Variants in ZC3H3 observed in about 807,000 individuals in gnomAD.
The protein encoded by ZC3H3 is zinc finger CCCH-type containing 3, also known as zinc finger CCCH domain-containing protein 3.
Under a neutral mutation model 77.3 loss-of-function variants are expected in ZC3H3, and 36 were observed. That is an observed-to-expected ratio of 0.47 (90% CI 0.36 to 0.61). ZC3H3 has a LOEUF of 0.61. Among genes scored for constraint, ZC3H3 ranks in the 20% least tolerant of loss-of-function variants. The pLI, the probability that ZC3H3 is intolerant of heterozygous loss-of-function variation, is 0.00. For synonymous variants in ZC3H3, 626 were observed against 555.2 expected (o/e 1.13, Z -1.79); for missense variants, 1,331 against 1,312.2 (o/e 1.01, Z -0.22).
At chr8:143,513,745 G>C (rs1389312819) in intron 3 of ZC3H3, among the ~76,000 whole-genome samples, 1 of 152,230 alleles carries the variant, frequency 6.6e-6, no homozygotes, top group African/African-American at 2.4e-5. Context: ...CTGTTCCTGG[G>C]ACAGGAGGCT....
At chr8:143,488,547 C>T (rs1209978032) in intron 4 of ZC3H3, among the ~76,000 whole-genome samples, 1 of 149,214 alleles carries the variant, frequency 6.7e-6, no homozygotes, top group East Asian at 1.9e-4. Flanking sequence ...ACCCGCTACA[C>T]GGCCCCATCA....
At chr8:143,482,233 G>A (rs1185330830) in intron 4 of ZC3H3, among the ~76,000 whole-genome samples, 3 of 152,234 alleles carry the variant, frequency 2.0e-5, no homozygotes, top group African/African-American at 7.2e-5. Context: ...TGCACGTGCT[G>A]TCCCTCTGTC....
At chr8:143,506,274 G>A (rs1025885152) in intron 4 of ZC3H3, among the ~76,000 whole-genome samples, 1 of 152,244 alleles carries the variant, frequency 6.6e-6, no homozygotes, top group African/African-American at 2.4e-5. Flanking sequence ...TGGGAGAGGT[G>A]GACCCTCGAC....
At chr8:143,459,694 A>C (rs1820207351) in intron 9 of ZC3H3, among the ~76,000 whole-genome samples, 1 of 152,192 alleles carries the variant, frequency 6.6e-6, no homozygotes, top group South Asian at 2.1e-4. Context: ...CCTTAATAGA[A>C]TAAAGGAAAA....
chr8:143,465,879 A>C, intron 8 of ZC3H3, 31 bp from the exon 9 acceptor site: 1 of 1,599,782 alleles, frequency 6.3e-7, no homozygotes, highest in Non-Finnish European at 8.5e-7. Context: ...GAGGGCCAGC[A>C]GGCAGCCACC....
chr8:143,513,622 C>T (rs973287240), intron 3 of ZC3H3, among the ~76,000 whole-genome samples: 11 of 152,198 alleles, frequency 7.2e-5, no homozygotes, highest in Non-Finnish European at 1.3e-4. Context: ...TATGTCTGAG[C>T]GGGGCGCAGA....
intron 3 of ZC3H3, among the ~76,000 whole-genome samples, chr8:143,510,596 T>C (rs963867792): frequency 3.3e-5 from 5 of 152,178 alleles, no homozygotes; most frequent in Non-Finnish European, 7.4e-5. Flanking sequence ...TCCCTGGCCC[T>C]GTTCCCCAGG....
chr8:143,499,018 C>T (rs1821445502), intron 4 of ZC3H3, among the ~76,000 whole-genome samples: 1 of 152,030 alleles, frequency 6.6e-6, no homozygotes, highest in African/African-American at 2.4e-5. Flanking sequence ...ATGCAAGCCA[C>T]CAACGTGAGC....
At chr8:143,499,449 C>A (rs1821459177) in intron 4 of ZC3H3, among the ~76,000 whole-genome samples, 1 of 152,142 alleles carries the variant, frequency 6.6e-6, no homozygotes, top group Non-Finnish European at 1.5e-5. Flanking sequence ...CCTGAGTGGG[C>A]ACCTAGACCT....
intron 3 of ZC3H3, among the ~76,000 whole-genome samples, chr8:143,513,549 T>TC (rs1821938097): frequency 6.6e-6 from 1 of 152,144 alleles, no homozygotes. Flanking sequence ...CCATGAAAAC[T>TC]CCAACAGAGC....
At chr8:143,478,976 C>T (rs1229549420) in intron 4 of ZC3H3, among the ~76,000 whole-genome samples, 3 of 152,234 alleles carry the variant, frequency 2.0e-5, no homozygotes, top group East Asian at 1.9e-4. Context: ...GATCTGCGCC[C>T]GCTCTTCATG....
chr8:143,534,427 G>C (rs534384785), intron 3 of ZC3H3, among the ~76,000 whole-genome samples: 2 of 152,204 alleles, frequency 1.3e-5, no homozygotes, highest in East Asian at 3.9e-4. Context: ...GGAGTCCGGG[G>C]GGCGCCGAGC....
chr8:143,500,252 C>T (rs1482979607), intron 4 of ZC3H3, among the ~76,000 whole-genome samples: 1 of 152,218 alleles, frequency 6.6e-6, no homozygotes. Flanking sequence ...GCACAGTGGG[C>T]AGAGCCTGCC....
chr8:143,490,628 C>T (rs1011093517), intron 4 of ZC3H3, among the ~76,000 whole-genome samples: 1 of 152,242 alleles, frequency 6.6e-6, no homozygotes, highest in Non-Finnish European at 1.5e-5. Context: ...AAATAAGATA[C>T]TGATGGCCGG....
chr8:143,509,682 G>A (rs536977026), intron 3 of ZC3H3, among the ~76,000 whole-genome samples: 21 of 152,336 alleles, frequency 1.4e-4, no homozygotes, highest in African/African-American at 5.0e-4. Context: ...CAAAGCTAGG[G>A]TACAGTCCTG....
intron 5 of ZC3H3, among the ~76,000 whole-genome samples, chr8:143,472,792 G>A (rs1042634529): frequency 6.6e-6 from 1 of 152,242 alleles, no homozygotes; most frequent in Non-Finnish European, 1.5e-5. Context: ...GGGTCCCGCG[G>A]GTGCACGGTG....
intron 3 of ZC3H3, among the ~76,000 whole-genome samples, chr8:143,517,815 G>A (rs1248793361): frequency 2.0e-5 from 3 of 152,114 alleles, no homozygotes; most frequent in Non-Finnish European, 2.9e-5. Flanking sequence ...CCCCGCACCT[G>A]AGCTCCCTCC....
intron 3 of ZC3H3, among the ~76,000 whole-genome samples, chr8:143,520,552 G>A (rs1421128523): frequency 6.6e-6 from 1 of 152,184 alleles, no homozygotes; most frequent in Non-Finnish European, 1.5e-5. Context: ...GGTTTCAGCC[G>A]GGCCCACCCA....
intron 3 of ZC3H3, among the ~76,000 whole-genome samples, chr8:143,528,506 G>A (rs1182114309): frequency 6.6e-6 from 1 of 152,220 alleles, no homozygotes; most frequent in African/African-American, 2.4e-5. Context: ...CAGCAGCCTG[G>A]CACAGGAGGT....
Sources: gnomAD v4.1 joint callset for allele counts (sites outside exome capture counted in the v4.1 genomes callset) on GRCh38, gnomAD v4.1.1 for gene constraint, MANE v1.5 for transcripts, NCBI Gene and HGNC (gene_info 2026-07-23, HGNC 2026-07-21) for gene names.